Variants in SMARCA2 observed in about 807,000 individuals in gnomAD.
SMARCA2 encodes the protein SWI/SNF-related matrix-associated actin-dependent regulator of chromatin subfamily A member 2.
In SMARCA2, 61 loss-of-function variants were observed where a neutral mutation model predicts 199.8. The ratio of observed to expected loss-of-function variants is 0.31; its 90% confidence interval spans 0.25 to 0.38. The LOEUF (loss-of-function observed/expected upper bound fraction) is 0.38. Ranked by LOEUF, SMARCA2 falls within the 10% of genes least tolerant of loss-of-function variation. The probability of loss-of-function intolerance (pLI) is 1.00; values close to 1 mark genes in which losing one functional copy is unlikely to be tolerated. For synonymous variants in SMARCA2, 935 were observed against 732.0 expected (o/e 1.28, Z -4.48); for missense variants, 1,344 against 2,012.2 (o/e 0.67, Z 6.35).
intron 19 of SMARCA2, among the ~76,000 whole-genome samples, chr9:2,090,636 T>C (rs754822165): frequency 6.6e-6 from 1 of 152,162 alleles, no homozygotes; most frequent in Non-Finnish European, 1.5e-5. Context: ...GCTTCTACCA[T>C]ATTCCTTATT....
intron 29 of SMARCA2, among the ~76,000 whole-genome samples, chr9:2,173,100 A>C (rs554734444): frequency 2.0e-5 from 3 of 152,310 alleles, no homozygotes; most frequent in South Asian, 4.1e-4. Flanking sequence ...TAGCTCTTGG[A>C]TCTCTGCCCT....
chr9:2,051,557 T>C (rs775232387), intron 5 of SMARCA2, among the ~76,000 whole-genome samples: 21 of 152,240 alleles, frequency 1.4e-4, no homozygotes, highest in Non-Finnish European at 2.5e-4. Flanking sequence ...GACGATTACT[T>C]ATTTAGTCCT....
intron 6 of SMARCA2, chr9:2,055,480 T>C (rs573028359): frequency 2.0e-5 from 3 of 152,350 alleles, no homozygotes; most frequent in East Asian, 1.9e-4. Context: ...GAACGTTTCA[T>C]TGTTAGTCAG....
At chr9:2,172,564 T>G (rs2129751888) in intron 29 of SMARCA2, among the ~76,000 whole-genome samples, 1 of 152,112 alleles carries the variant, frequency 6.6e-6, no homozygotes, top group South Asian at 2.1e-4. Flanking sequence ...GAAGGAAGAC[T>G]GGGACAGCCT....
chr9:2,177,672 C>A (rs1826707216), intron 29 of SMARCA2, among the ~76,000 whole-genome samples: 1 of 152,122 alleles, frequency 6.6e-6, no homozygotes, highest in African/African-American at 2.4e-5. Context: ...CCTGCCTCAG[C>A]CTCCCTAGTA....
chr9:2,092,625 G>A (rs1429849600), intron 19 of SMARCA2, among the ~76,000 whole-genome samples: 2 of 152,190 alleles, frequency 1.3e-5, no homozygotes, highest in Non-Finnish European at 2.9e-5. Flanking sequence ...AAGAAGAAAT[G>A]CTGAGCCAGT....
intron 24 of SMARCA2, among the ~76,000 whole-genome samples, chr9:2,113,367 T>C (rs1221379955): frequency 1.3e-5 from 2 of 152,214 alleles, no homozygotes; most frequent in African/African-American, 4.8e-5. Flanking sequence ...GCTGTGTTGC[T>C]ATTACGGAAT....
chr9:2,160,135 C>T, intron 27 of SMARCA2: 1 of 556,058 alleles, frequency 1.8e-6, no homozygotes, highest in Non-Finnish European at 3.1e-6. Flanking sequence ...TTAATCTTCG[C>T]TTAGCTGCAG....
intron 29 of SMARCA2, among the ~76,000 whole-genome samples, chr9:2,180,502 C>T (rs1826948699): frequency 6.6e-6 from 1 of 152,178 alleles, no homozygotes; most frequent in Admixed American, 6.5e-5. Context: ...TTCTCACAAG[C>T]TCCTAGAATC....
chr9:2,052,163 T>C (rs1010372898), intron 5 of SMARCA2, among the ~76,000 whole-genome samples: 8 of 152,232 alleles, frequency 5.3e-5, no homozygotes, highest in African/African-American at 1.9e-4. Flanking sequence ...ATGCTATTGT[T>C]TGTGTTGGTA....
At chr9:2,160,444 C>A (rs1825607777) in intron 27 of SMARCA2, 1 of 515,970 alleles carries the variant, frequency 1.9e-6, no homozygotes, top group Non-Finnish European at 3.5e-6. Flanking sequence ...GCATTTTTAA[C>A]ATGCCAGGTT....
At chr9:2,092,213 T>C (rs1822091679) in intron 19 of SMARCA2, among the ~76,000 whole-genome samples, 1 of 152,230 alleles carries the variant, frequency 6.6e-6, no homozygotes, top group South Asian at 2.1e-4. Context: ...GGCTGGGTAT[T>C]TCTTTATGTC....
At chr9:2,068,665 G>GCTT (rs1820949865) in intron 9 of SMARCA2, among the ~76,000 whole-genome samples, 1 of 151,660 alleles carries the variant, frequency 6.6e-6, no homozygotes, top group Non-Finnish European at 1.5e-5. Context: ...ATTAACTAAA[G>GCTT]AGCCCAAGGG....
chr9:2,170,533 A>G lies in SMARCA2; in HGVS notation c.4253+61A>G. 4 of 1,612,414 alleles carry G rather than the reference A, an allele frequency of 2.5e-6. No homozygotes were observed. Among genetic ancestry groups the G allele is most frequent in the Non-Finnish European group, 3.4e-6 (4 of 1,179,074 alleles). On this transcript the variant is annotated intron_variant, in intron 29 of 33. Coordinates refer to ENST00000349721, the MANE Select transcript of SMARCA2 (RefSeq NM_003070.5). The surrounding 1 kb of genome is among the most constrained non-coding windows in gnomAD (Gnocchi z 4.7). Reference sequence around the variant, plus strand: ...ACAGGTATCCCTCGTTACGTGAAACAGATTGAATCATATAATCGGCCTTTG... The same window carrying G: ...ACAGGTATCCCTCGTTACGTGAAACGGATTGAATCATATAATCGGCCTTTG...
intron 9 of SMARCA2, among the ~76,000 whole-genome samples, chr9:2,061,981 T>C (rs1211127099): frequency 6.6e-6 from 1 of 152,128 alleles, no homozygotes; most frequent in Non-Finnish European, 1.5e-5. Flanking sequence ...GTTTAGACAT[T>C]TTGTTGGTGA....
chr9:2,061,945 T>C lies in SMARCA2; in HGVS notation c.1692+959T>C, dbSNP rs374161746. Among the ~76,000 whole-genome samples the C allele has an allele frequency of 1.5e-3, 228 of 152,358 alleles. 7 individuals are homozygous for C. In the South Asian group the frequency reaches 0.043, roughly 29 times the overall value. On this transcript the variant is annotated intron_variant, in intron 9 of 33. Coordinates refer to ENST00000349721, the MANE Select transcript of SMARCA2 (RefSeq NM_003070.5). ...AAGATAGCTTACCTCATTGTGAAGA[T>C]GAACGAGAGATGACTCAGGGCTTGT... is the stretch of plus-strand genomic sequence containing the variant.
intron 22 of SMARCA2, among the ~76,000 whole-genome samples, chr9:2,102,900 C>T (rs974408769): frequency 5.3e-5 from 8 of 151,988 alleles, no homozygotes; most frequent in African/African-American, 1.9e-4. Flanking sequence ...GTCCCATCCT[C>T]CACCTCTCTG....
In SMARCA2 at chr9:2,077,669, T is replaced by C. The variant is rs774925342; in HGVS notation, c.2077T>C (p.Tyr693His). The change falls in exon 14 of 34, where the codon TAC becomes CAC. Residue 693 changes from tyrosine to histidine, a missense_variant. Tyr to His is a moderately conservative substitution (Grantham distance 83). This residue lies in a region of SMARCA2 where 106 missense variants were observed against 179.7 expected (regional missense o/e 0.59). Coordinates refer to ENST00000349721, the MANE Select transcript of SMARCA2 (RefSeq NM_003070.5). Reference protein sequence around the residue: ...QDVDDEYSMQYSARGSQSYYT... With the variant: ...QDVDDEYSMQHSARGSQSYYT... ...CGTGGATGATGAATACAGCATGCAG[T>C]ACAGTGCCAGGGGCTCCCAGTCCTA... 2.5e-6 allele frequency: 4 copies of C among 1,614,102 alleles called. No individual in the cohort carries two copies. The highest frequency in any genetic ancestry group is 1.1e-5 in the South Asian group (1 of 91,074).
rs182845668 is a variant in SMARCA2 at position 2,039,188 on chromosome 9, G to A, written c.356-278G>A. 3.2e-4 allele frequency among the ~76,000 whole-genome samples: 48 copies of A among 151,048 alleles called. No homozygotes were observed. Among genetic ancestry groups the A allele is most frequent in the African/African-American group, 1.2e-3 (48 of 41,206 alleles). On this transcript the variant is annotated intron_variant, in intron 3 of 33. Coordinates refer to ENST00000349721, the MANE Select transcript of SMARCA2 (RefSeq NM_003070.5). The surrounding 1 kb of genome is among the most constrained non-coding windows in gnomAD (Gnocchi z 4.8). The stretch of plus-strand genomic sequence containing the variant: ...TTTTTACATTTTAAAATGATGTTTT[G>A]GGTATGTTGGTTTAAGTAAAATACA...
Sources: gnomAD v4.1 joint callset for allele counts (sites outside exome capture counted in the v4.1 genomes callset) on GRCh38, gnomAD v4.1.1 for gene constraint, gnomAD v4.1.1 regional missense constraint, Gnocchi (gnomAD v3.1) non-coding constraint, MANE v1.5 for transcripts, NCBI Gene and HGNC (gene_info 2026-07-23, HGNC 2026-07-21) for gene names.